The following SMAD9 variants were observed in gnomAD, a reference collection of about 807,000 sequenced individuals.
SMAD9 encodes SMAD family member 9, also known as MAD homolog 9.
In SMAD9, 36 loss-of-function variants were observed where a neutral mutation model predicts 46.1. The ratio of observed to expected loss-of-function variants is 0.78; its 90% CI spans 0.60 to 1.03. SMAD9 has a LOEUF of 1.03. Ranked by LOEUF, SMAD9 falls within the 50% of genes least tolerant of loss-of-function variation. SMAD9 has a pLI of 0.00. For missense variants in SMAD9, 572 were observed against 599.8 expected (o/e 0.95, Z 0.48); for synonymous variants, 245 against 237.1 (o/e 1.03, Z -0.31).
rs369118562 is a variant in SMAD9 at position 36,886,689 on chromosome 13, C to T, written c.-186-6814G>A. 1.4e-4 allele frequency among the ~76,000 whole-genome samples: 22 copies of T among 152,352 alleles called. 1 individual carries two copies. The highest frequency in any genetic ancestry group is 5.3e-4 in the African/African-American group (22 of 41,584). ...ATGAAACATGTAAATATTAACAAGC[C>T]ATGAAATCTTATGCAGGAACAAACA... On this transcript the variant is annotated intron_variant, in intron 1 of 6. Coordinates refer to ENST00000379826, the MANE Select transcript of SMAD9 (RefSeq NM_001127217.3).
Position 36,853,656 on chromosome 13 carries a change from G to C in SMAD9, c.1023C>G (p.Val341=), listed in dbSNP as rs567837118. 1.2e-6 allele frequency: 2 copies of C among 1,614,020 alleles called. No homozygotes were observed. The highest frequency in any genetic ancestry group is 4.5e-5 in the East Asian group (2 of 44,870). The change falls in exon 6 of 7, where the codon GTC becomes GTG. Residue 341 remains valine, a synonymous_variant. Transcript: ENST00000379826. ...CGCACTCGGCATACACCTCTCCCCC[G>C]ACGTAGTACAAGTGCACACCTGCAG... is the stretch of plus-strand genomic sequence containing the variant. ...HIGKGVHLYY[V]GGEVYAECVS...
rs1335477091 is a variant in SMAD9, at chr13:36,847,126, G to A, written c.*1550C>T. ...TATTAGCTAACACTAGTAACTGTAA[G>A]AGGTGACAGTAGTAGCTCAATCATA... On this transcript the variant is annotated 3_prime_UTR_variant, in exon 7 of 7. Transcript: ENST00000379826. 2.6e-5 allele frequency: 4 copies of A among 152,304 alleles called. No individual in the cohort carries two copies. In the East Asian group the frequency reaches 7.7e-4, roughly 29 times the overall value. The allele number at this position is 152,304 out of a possible 1,614,324, so 9.4% of individuals were successfully genotyped here. A position where few individuals can be genotyped will look rare whatever the true frequency, so the allele number is the denominator to read the frequency against.
intron 2 of SMAD9, among the ~76,000 whole-genome samples, chr13:36,874,053 G>A (rs192528050): frequency 5.9e-5 from 9 of 152,304 alleles, no homozygotes; most frequent in Admixed American, 4.6e-4. Context: ...ACTCCTAGAA[G>A]GTTACAATGC....
chr13:36,865,711 C>T lies in SMAD9; in HGVS notation c.829G>A (p.Ala277Thr), dbSNP rs777979202. The T allele has an allele frequency of 2.0e-5, 32 of 1,613,962 alleles. No individual in the cohort carries two copies. The highest frequency in any genetic ancestry group is 6.6e-5 in the South Asian group (6 of 91,084). Residue 277 changes from alanine (A) to threonine (T), a missense_variant, in exon 5 of 7, where the codon GCC (alanine) becomes ACC (threonine). Ala to Thr is a moderately conservative substitution (Grantham distance 58, BLOSUM62 0). Coordinates refer to ENST00000379826, the MANE Select transcript of SMAD9 (RefSeq NM_001127217.3). ...YEEPQHWCSV[A>T]YYELNNRVGE... ...ACTCGGTTGTTCAGTTCATAGTAGG[C>T]GACCGAGCACCAGTGCTGGGGCTCC...
chr13:36,882,915 G>A (rs1275265600), intron 1 of SMAD9, among the ~76,000 whole-genome samples: 1 of 152,174 alleles, frequency 6.6e-6, no homozygotes, highest in African/African-American at 2.4e-5. Flanking sequence ...AGTGAGCTAT[G>A]ACTGCACCAC....
chr13:36,897,010 T>C (rs76849024), intron 1 of SMAD9, among the ~76,000 whole-genome samples: 7,726 of 152,222 alleles, frequency 0.051, 564 homozygotes, highest in African/African-American at 0.17. Context: ...ACTCTATGTG[T>C]AGATTTTATG....
At chr13:36,884,158 CCT>C (rs1471778165) in intron 1 of SMAD9, among the ~76,000 whole-genome samples, 5 of 152,210 alleles carry the variant, frequency 3.3e-5, no homozygotes, top group Non-Finnish European at 7.3e-5. Flanking sequence ...TCAAACTGGC[CCT>C]GTTAATAACA....
chr13:36,900,612 C>T (rs1336628089), intron 1 of SMAD9, among the ~76,000 whole-genome samples: 7 of 151,626 alleles, frequency 4.6e-5, no homozygotes, highest in Non-Finnish European at 4.4e-5. Context: ...CCCCCACCAC[C>T]CCTACCTTAC....
At chr13:36,859,242 T>C (rs1356946403) in intron 5 of SMAD9, among the ~76,000 whole-genome samples, 1 of 152,114 alleles carries the variant, frequency 6.6e-6, no homozygotes, top group Non-Finnish European at 1.5e-5. Context: ...AAAAGGACTA[T>C]TTTGAGACAG....
At chr13:36,897,270 CTTAT>C (rs570079391) in intron 1 of SMAD9, among the ~76,000 whole-genome samples, 94 of 152,316 alleles carry the variant, frequency 6.2e-4, no homozygotes, top group African/African-American at 2.0e-3. Flanking sequence ...TTAGCTTGGA[CTTAT>C]TTATAGATAT....
chr13:36,880,697 CAACAT>C (rs890275551), intron 1 of SMAD9, among the ~76,000 whole-genome samples: 1 of 152,142 alleles, frequency 6.6e-6, no homozygotes, highest in Non-Finnish European at 1.5e-5. Flanking sequence ...TCAACCAAAA[CAACAT>C]AACACAATAG....
intron 1 of SMAD9, among the ~76,000 whole-genome samples, chr13:36,912,421 C>A (rs1165664972): frequency 6.6e-6 from 1 of 152,178 alleles, no homozygotes; most frequent in Non-Finnish European, 1.5e-5. Context: ...GGTCCCTTTC[C>A]TCTATACTAC....
At chr13:36,896,968 C>T (rs915216156) in intron 1 of SMAD9, among the ~76,000 whole-genome samples, 3 of 151,566 alleles carry the variant, frequency 2.0e-5, no homozygotes, top group Admixed American at 1.3e-4. Flanking sequence ...CTTTCTTATG[C>T]CATAATTTGA....
At chr13:36,899,685 G>A (rs1039157714) in intron 1 of SMAD9, among the ~76,000 whole-genome samples, 4 of 152,208 alleles carry the variant, frequency 2.6e-5, no homozygotes, top group Non-Finnish European at 2.9e-5. Flanking sequence ...GGTGGGTTCA[G>A]GGTCTGGAGC....
At chr13:36,861,543 C>T (rs1051390298) in intron 5 of SMAD9, among the ~76,000 whole-genome samples, 23 of 147,896 alleles carry the variant, frequency 1.6e-4, no homozygotes, top group African/African-American at 3.4e-4. Context: ...CTCGAACTCC[C>T]GACCTCAGGT....
At chr13:36,877,331 C>A (rs1005801440) in intron 2 of SMAD9, among the ~76,000 whole-genome samples, 5 of 152,080 alleles carry the variant, frequency 3.3e-5, no homozygotes, top group Non-Finnish European at 1.5e-5. Context: ...CACTGCACAC[C>A]GGCCTGCCAA....
rs147234449 is a variant in SMAD9, at chr13:36,918,048, AAAAAC to A, written c.-187+2063_-187+2067del. ...GATATCTTTAGTAATGTTTCATTTA[AAAAAC>A]AAAACAAAACTCTTCTTTCTCATCC... On this transcript the variant is annotated intron_variant, in intron 1 of 6. Coordinates refer to ENST00000379826, the MANE Select transcript of SMAD9 (RefSeq NM_001127217.3). Among the ~76,000 whole-genome samples, 724 of 152,306 alleles carry A rather than the reference AAAAAC, an allele frequency of 4.8e-3. 5 individuals are homozygous for A. The highest frequency in any genetic ancestry group is 0.017 in the African/African-American group (692 of 41,574).
intron 2 of SMAD9, among the ~76,000 whole-genome samples, chr13:36,877,318 C>T (rs1442252611): frequency 2.6e-5 from 4 of 152,088 alleles, no homozygotes; most frequent in Admixed American, 2.6e-4. Flanking sequence ...GCAGAGACTG[C>T]GCCACTGCAC....
rs1393408714 is a variant in SMAD9, at chr13:36,845,860, A to C, written c.*2816T>G. ...TGATGAGACATGACTGGTGATGATCATATGTGCCAATTTAATAATTTATTT... is the reference window on the plus strand; with the variant it reads ...TGATGAGACATGACTGGTGATGATCCTATGTGCCAATTTAATAATTTATTT... On this transcript the variant is annotated 3_prime_UTR_variant, in exon 7 of 7. Transcript: ENST00000379826. The C allele has an allele frequency of 6.6e-6, 1 of 152,220 alleles. No homozygotes were observed. The highest frequency in any genetic ancestry group is 2.4e-5 in the African/African-American group (1 of 41,456). 9.4% of individuals were successfully genotyped at this position (152,220 alleles called of 1,614,324 possible).
Sources: allele counts gnomAD v4.1 joint callset (sites outside exome capture counted in the v4.1 genomes callset), GRCh38; gene constraint gnomAD v4.1.1; transcripts MANE v1.5; gene names NCBI Gene and HGNC (gene_info 2026-07-23, HGNC 2026-07-21).